Variants in PCCA observed in about 807,000 individuals in gnomAD.
The protein encoded by PCCA is propionyl-CoA carboxylase subunit alpha, also known as propionyl-CoA carboxylase alpha chain, mitochondrial.
PCCA carries 74 observed loss-of-function variants against 101.3 expected under a neutral mutation model. That is an observed-to-expected ratio of 0.73 (90% CI 0.61 to 0.89). The LOEUF is 0.89. Ranked by LOEUF, PCCA falls within the 40% of genes least tolerant of loss-of-function variation. The pLI, the probability that PCCA is intolerant of heterozygous loss-of-function variation, is 0.00. For missense variants in PCCA, 891 were observed against 907.0 expected (o/e 0.98, Z 0.23); for synonymous variants, 294 against 313.6 (o/e 0.94, Z 0.66).
intron 9 of PCCA, among the ~76,000 whole-genome samples, chr13:100,258,776 A>G (rs1230600662): frequency 1.3e-5 from 2 of 152,246 alleles, no homozygotes; most frequent in Non-Finnish European, 2.9e-5. Flanking sequence ...TAAATAATTT[A>G]GCCCTTTCTT....
intron 16 of PCCA, 45 bp downstream of exon 16, chr13:100,309,953 C>T (rs751961842): frequency 7.3e-7 from 1 of 1,365,756 alleles, no homozygotes; most frequent in Non-Finnish European, 1.0e-6. Flanking sequence ...ATATGGTGTC[C>T]AGTTCCAGAG....
chr13:100,293,000 G>T (rs2065255896), intron 12 of PCCA, among the ~76,000 whole-genome samples: 1 of 147,266 alleles, frequency 6.8e-6, no homozygotes, highest in African/African-American at 2.5e-5. Flanking sequence ...CAGATGCTAG[G>T]TTTTTTTTTA....
intron 19 of PCCA, among the ~76,000 whole-genome samples, chr13:100,419,736 G>A (rs1044426667): frequency 6.6e-6 from 1 of 152,248 alleles, no homozygotes; most frequent in Non-Finnish European, 1.5e-5. Flanking sequence ...TAACTAAGAA[G>A]CAGAGAGGGC....
intron 10 of PCCA, among the ~76,000 whole-genome samples, chr13:100,264,029 G>A (rs934655950): frequency 8.1e-5 from 11 of 135,670 alleles, no homozygotes; most frequent in African/African-American, 2.2e-4. Flanking sequence ...TCTGTATATC[G>A]TATATATACG....
At chr13:100,423,187 G>A (rs1034761399) in intron 19 of PCCA, among the ~76,000 whole-genome samples, 9 of 151,966 alleles carry the variant, frequency 5.9e-5, no homozygotes, top group Non-Finnish European at 1.0e-4. Context: ...CTGGTTCTTC[G>A]TGTCGGAGTC....
intron 21 of PCCA, among the ~76,000 whole-genome samples, chr13:100,478,795 G>A (rs2083640576): frequency 1.3e-5 from 2 of 152,258 alleles, no homozygotes; most frequent in South Asian, 4.1e-4. Flanking sequence ...TGCCTTTCTG[G>A]ATAAGCCTAG....
At chr13:100,480,974 G>C (rs1250972395) in intron 21 of PCCA, 2 of 152,142 alleles carry the variant, frequency 1.3e-5, no homozygotes, top group Non-Finnish European at 2.9e-5. Flanking sequence ...CCCTGTATAC[G>C]CTTGCCTTTA....
chr13:100,117,622 G>T (rs1233644347), intron 4 of PCCA, among the ~76,000 whole-genome samples: 1 of 151,802 alleles, frequency 6.6e-6, no homozygotes, highest in East Asian at 1.9e-4. Context: ...GTGTCCTGTT[G>T]TGGGGTTGGG....
intron 21 of PCCA, among the ~76,000 whole-genome samples, chr13:100,466,415 C>G (rs528485869): frequency 1.3e-5 from 2 of 152,202 alleles, no homozygotes; most frequent in Non-Finnish European, 2.9e-5. Context: ...TGAGAAATAG[C>G]CTTCCCAAGC....
At chr13:100,406,502 C>T (rs768925042) in intron 19 of PCCA, among the ~76,000 whole-genome samples, 18 of 152,102 alleles carry the variant, frequency 1.2e-4, no homozygotes, top group African/African-American at 1.9e-4. Context: ...GTCAGGAGTT[C>T]GAGACCAGCC....
At chr13:100,283,502 A>G (rs1000409221) in intron 12 of PCCA, among the ~76,000 whole-genome samples, 1 of 152,220 alleles carries the variant, frequency 6.6e-6, no homozygotes, top group African/African-American at 2.4e-5. Flanking sequence ...GGCCTTAAGA[A>G]AATATACTCC....
intron 1 of PCCA, among the ~76,000 whole-genome samples, chr13:100,100,171 G>T (rs558676739): frequency 6.6e-6 from 1 of 152,306 alleles, no homozygotes; most frequent in Admixed American, 6.5e-5. Context: ...GGGGCCCAGA[G>T]AAATGATTAG....
chr13:100,208,752 C>T (rs1423373876), intron 6 of PCCA, among the ~76,000 whole-genome samples: 4 of 152,048 alleles, frequency 2.6e-5, no homozygotes, highest in African/African-American at 4.8e-5. Flanking sequence ...CAGTTAAATT[C>T]CCACTGGATT....
At chr13:100,200,197 C>T (rs1407571751) in intron 6 of PCCA, among the ~76,000 whole-genome samples, 6 of 152,138 alleles carry the variant, frequency 3.9e-5, no homozygotes, top group African/African-American at 1.4e-4. Flanking sequence ...CTCTGCCTCC[C>T]GGGTTCACAC....
At chr13:100,385,353 G>A (rs2076440109) in intron 19 of PCCA, among the ~76,000 whole-genome samples, 1 of 152,154 alleles carries the variant, frequency 6.6e-6, no homozygotes, top group African/African-American at 2.4e-5. Context: ...CAAAAAACCA[G>A]AGAGAAAATT....
chr13:100,115,753 GT>G (rs1243912404), intron 4 of PCCA, among the ~76,000 whole-genome samples: 1 of 152,100 alleles, frequency 6.6e-6, no homozygotes, highest in Admixed American at 6.5e-5. Context: ...TTTCTCATTT[GT>G]ACCTTCCCTG....
intron 20 of PCCA, among the ~76,000 whole-genome samples, chr13:100,446,067 T>A (rs1485248297): frequency 1.3e-5 from 2 of 152,162 alleles, no homozygotes; most frequent in African/African-American, 2.4e-5. Flanking sequence ...TGAAACAGAG[T>A]CACGCTGTGG....
At chr13:100,449,738 C>A (rs1444723401) in intron 21 of PCCA, among the ~76,000 whole-genome samples, 1 of 152,216 alleles carries the variant, frequency 6.6e-6, no homozygotes, top group Non-Finnish European at 1.5e-5. Context: ...GATCCATCCA[C>A]CTCGGCTTCC....
chr13:100,522,408 T>A (rs947568851), intron 22 of PCCA, among the ~76,000 whole-genome samples: 1 of 152,226 alleles, frequency 6.6e-6, no homozygotes, highest in Non-Finnish European at 1.5e-5. Flanking sequence ...GATACTCCAA[T>A]GACTGATGAA....
Sources: allele counts gnomAD v4.1 joint callset (sites outside exome capture counted in the v4.1 genomes callset), GRCh38; gene constraint gnomAD v4.1.1; transcripts MANE v1.5; gene names NCBI Gene and HGNC (gene_info 2026-07-23, HGNC 2026-07-21).